Variants in FBN2 observed in about 807,000 individuals in gnomAD.
FBN2 encodes the protein fibrillin 2.
Under a neutral mutation model 355.6 loss-of-function variants are expected in FBN2, and 105 were observed. That is an observed-to-expected ratio of 0.30 (90% CI 0.25 to 0.35). The LOEUF is 0.35. FBN2 is among the 10% of genes least tolerant of loss of function. FBN2 has a pLI of 1.00. For synonymous variants in FBN2, 1,350 were observed against 1,301.2 expected, an observed-to-expected ratio of 1.04 and a Z score of -0.81; for missense variants, 3,280 against 3,758.7, an observed-to-expected ratio of 0.87 and a Z score of 3.33.
At chr5:128,455,987 C>CAACAAAAAAAAAACAAAAAAAA (rs1352635802) in intron 6 of FBN2, among the ~76,000 whole-genome samples, 2 of 5,306 alleles carry the variant, frequency 3.8e-4, no homozygotes, top group Non-Finnish European at 5.9e-4. Context: ...GGAGGGTTAG[C>CAACAAAAAAAAAACAAAAAAAA]AACAAAAAAA....
At chr5:128,346,545 T>G (rs1410163081) in intron 23 of FBN2, among the ~76,000 whole-genome samples, 2 of 152,248 alleles carry the variant, frequency 1.3e-5, no homozygotes, top group African/African-American at 4.8e-5. Flanking sequence ...ATTGATTCTT[T>G]CAAGTTCTAA....
rs373615380 is a variant in FBN2 at position 128,436,691 on chromosome 5, G to A, written c.952+9790C>T. Among the ~76,000 whole-genome samples, 7 of 148,740 alleles carry A rather than the reference G, an allele frequency of 4.7e-5. No individual in the cohort carries two copies. The South Asian group carries it at 8.4e-4, about 18-fold the overall frequency. ...TAAAAAAAAAAAAAAAGAAAAAAAA[G>A]TATGGAAATATTTGCGGTATCTTCG... is the stretch of plus-strand genomic sequence containing the variant. On this transcript the variant is annotated intron_variant, in intron 7 of 64. Coordinates refer to ENST00000262464, the MANE Select transcript of FBN2 (RefSeq NM_001999.4).
At chr5:128,416,630 A>G (rs1753206944) in intron 7 of FBN2, among the ~76,000 whole-genome samples, 3 of 152,124 alleles carry the variant, frequency 2.0e-5, no homozygotes. Context: ...CTGCATATAG[A>G]TATCCAGTTT....
At chr5:128,447,649 T>C (rs1465930813) in intron 6 of FBN2, among the ~76,000 whole-genome samples, 1 of 152,220 alleles carries the variant, frequency 6.6e-6, no homozygotes, top group African/African-American at 2.4e-5. Context: ...TGTCTTGTAA[T>C]ATTTTATTAC....
At position 128,381,900 on chromosome 5, in the gene FBN2, T is replaced by C. The variant is rs576724221; in HGVS notation, c.1604-3010A>G. On this transcript the variant is annotated intron_variant, in intron 11 of 64. Transcript: ENST00000262464. ...GCCTAATTTAATAACTCTGATCTTGTAGCCCTGTACCTAGTTTAGAATGAT... is the reference window on the plus strand; with the variant it reads ...GCCTAATTTAATAACTCTGATCTTGCAGCCCTGTACCTAGTTTAGAATGAT... Among the ~76,000 whole-genome samples, 9 of 152,250 alleles carry C rather than the reference T, an allele frequency of 5.9e-5. No individual in the cohort carries two copies. The South Asian group carries it at 1.7e-3, about 28-fold the overall frequency.
At chr5:128,338,804 T>C in intron 26 of FBN2, 129 bp downstream of exon 26, 1 of 1,098,226 alleles carries the variant, frequency 9.1e-7, no homozygotes, top group South Asian at 1.3e-5. Flanking sequence ...TTTAAATCTC[T>C]TCTCTCTCTC....
chr5:128,314,353 G>A (rs1750143452), intron 36 of FBN2, among the ~76,000 whole-genome samples: 1 of 152,114 alleles, frequency 6.6e-6, no homozygotes, highest in Non-Finnish European at 1.5e-5. Context: ...TGGGGACGGA[G>A]TCTTCCTCTG....
chr5:128,494,500 C>A (rs7708713), intron 5 of FBN2, among the ~76,000 whole-genome samples: 31,940 of 152,030 alleles, frequency 0.21, 6,019 homozygotes, highest in African/African-American at 0.51. Context: ...CTGGATTTAA[C>A]TGGATCAGAC....
At chr5:128,274,738 C>G in intron 59 of FBN2, 55 bp from the exon 60 acceptor site, 1 of 1,101,550 alleles carries the variant, frequency 9.1e-7, no homozygotes, top group South Asian at 1.2e-5. Context: ...GCTATGTTTC[C>G]TTTCTTGTGA....
chr5:128,437,653 A>G (rs774979213), intron 7 of FBN2, among the ~76,000 whole-genome samples: 1 of 152,156 alleles, frequency 6.6e-6, no homozygotes, highest in Non-Finnish European at 1.5e-5. Context: ...AATAATAATA[A>G]GAATCATGAA....
chr5:128,434,422 A>ATATATATG (rs1561455185), intron 7 of FBN2, among the ~76,000 whole-genome samples: 3 of 132,676 alleles, frequency 2.3e-5, no homozygotes, highest in African/African-American at 9.9e-5. Flanking sequence ...ATATATATAT[A>ATATATATG]TATGGGCAGT....
In FBN2 at chr5:128,262,022, T is replaced by C; in HGVS notation, c.8193-115A>G. 3.6e-6 allele frequency: 3 copies of C among 828,696 alleles called. No individual in the cohort carries two copies. The Admixed American group carries it at 5.3e-5, about 15-fold the overall frequency. 51.3% of individuals were successfully genotyped at this position (828,696 alleles called of 1,614,324 possible). On this transcript the variant is annotated intron_variant, in intron 63 of 64. Transcript: ENST00000262464. ...ACCAACAGAGCAAACACTAAACTCA[T>C]AAACATAAAACCCTAATATTCTTTG... is the stretch of plus-strand genomic sequence containing the variant.
intron 11 of FBN2, among the ~76,000 whole-genome samples, chr5:128,380,171 A>G (rs1439123276): frequency 6.6e-6 from 1 of 152,142 alleles, no homozygotes; most frequent in Admixed American, 6.6e-5. Flanking sequence ...GATACCATCA[A>G]TTCTACTGAG....
At chr5:128,382,380 T>A (rs1390967560) in intron 11 of FBN2, among the ~76,000 whole-genome samples, 1 of 152,076 alleles carries the variant, frequency 6.6e-6, no homozygotes, top group Non-Finnish European at 1.5e-5. Context: ...TGAGCTAGAC[T>A]AAGGGCCTTC....
At position 128,364,646 on chromosome 5, in the gene FBN2, A is replaced by G; in HGVS notation, c.2382T>C (p.Asn794=). 6.2e-7 allele frequency: 1 copy of G among 1,613,686 alleles called. No homozygotes were observed. The highest frequency in any genetic ancestry group is 1.7e-5 in the Admixed American group (1 of 60,012). The change falls in exon 18 of 65, where the codon AAT becomes AAC. Residue 794 remains asparagine (N), a synonymous_variant. Coordinates refer to ENST00000262464, the MANE Select transcript of FBN2 (RefSeq NM_001999.4). ...CATCTGGTTCATAGCCACTGTTGCA[A>G]TTACAACGGTAACTACCACGTAAGT... The part of the protein sequence containing the change: ...CENLRGSYRC[N]CNSGYEPDAS...
chr5:128,411,219 C>A (rs975849791), intron 7 of FBN2, among the ~76,000 whole-genome samples: 5 of 152,126 alleles, frequency 3.3e-5, no homozygotes, highest in Admixed American at 6.5e-5. Context: ...CTAGGTGTTG[C>A]CGGTGACCTG....
At chr5:128,359,334 G>T (rs866282732) in intron 19 of FBN2, among the ~76,000 whole-genome samples, 10 of 151,976 alleles carry the variant, frequency 6.6e-5, no homozygotes, top group Non-Finnish European at 1.3e-4. Flanking sequence ...AATTAATTCA[G>T]AAAGAAGAGA....
At chr5:128,351,970 TTAAGA>T (rs1490291638) in intron 20 of FBN2, among the ~76,000 whole-genome samples, 6 of 152,220 alleles carry the variant, frequency 3.9e-5, no homozygotes, top group African/African-American at 1.4e-4. Context: ...GCTTTGATAT[TTAAGA>T]TTTTATCGTA....
intron 4 of FBN2, among the ~76,000 whole-genome samples, chr5:128,521,813 G>A (rs554375312): frequency 4.6e-5 from 7 of 152,202 alleles, no homozygotes; most frequent in Admixed American, 3.3e-4. Flanking sequence ...TTTCCAATTC[G>A]CAGGTAGAAC....
Sources: gnomAD v4.1 joint callset for allele counts (sites outside exome capture counted in the v4.1 genomes callset) on GRCh38, gnomAD v4.1.1 for gene constraint, MANE v1.5 for transcripts, NCBI Gene and HGNC (gene_info 2026-07-23, HGNC 2026-07-21) for gene names.